The following MTUS1 variants were observed in gnomAD, a reference collection of about 807,000 sequenced individuals.
MTUS1 encodes the protein microtubule-associated tumor suppressor 1.
Under a neutral mutation model 120.8 loss-of-function variants are expected in MTUS1, and 109 were observed. The ratio of observed to expected loss-of-function variants is 0.90; its 90% CI spans 0.77 to 1.06. The LOEUF is 1.06. MTUS1 is among the 50% of genes least tolerant of loss of function. MTUS1 has a pLI of 0.00. For synonymous variants in MTUS1, 737 were observed against 550.5 expected (o/e 1.34, Z -4.74); for missense variants, 2,210 against 1,486.3 (o/e 1.49, Z -8.01).
In MTUS1 at chr8:17,755,228, C is replaced by T; in HGVS notation, c.580G>A (p.Gly194Ser). 1 of 1,614,134 alleles carries T rather than the reference C, an allele frequency of 6.2e-7. No homozygotes were observed. ...FHTAGSLPPT[G>S]RRSGSTSSLS... ...GAAGATGTACTTCCACTTCTCCTAC[C>T]AGTTGGTGGCAGGCTTCCAGCAGTA... The change falls in exon 2 of 15, where the codon GGT (glycine) becomes AGT (serine). Residue 194 changes from glycine (G) to serine (S), a missense_variant. Coordinates refer to ENST00000693296, the MANE Select transcript of MTUS1 (RefSeq NM_001363059.2).
chr8:17,703,794 T>G (rs1819599951), intron 6 of MTUS1, among the ~76,000 whole-genome samples: 1 of 152,146 alleles, frequency 6.6e-6, no homozygotes, highest in Non-Finnish European at 1.5e-5. Context: ...ATCAAGACAA[T>G]ACGTGCACTG....
intron 4 of MTUS1, among the ~76,000 whole-genome samples, chr8:17,718,478 C>A (rs1027458080): frequency 1.3e-5 from 2 of 152,068 alleles, no homozygotes; most frequent in East Asian, 3.9e-4. Context: ...TCGCCCATAT[C>A]GGGTATGGGA....
intron 1 of MTUS1, among the ~76,000 whole-genome samples, chr8:17,797,351 T>G (rs537435323): frequency 6.6e-6 from 1 of 152,242 alleles, no homozygotes; most frequent in South Asian, 2.1e-4. Flanking sequence ...ACGTGAAGGC[T>G]GCAGTAAGCT....
At chr8:17,656,151 G>A in intron 8 of MTUS1, 86 bp from the exon 9 acceptor site, 1 of 1,182,284 alleles carries the variant, frequency 8.5e-7, no homozygotes, top group Non-Finnish European at 1.2e-6. Context: ...CAGCTGTGAT[G>A]ACACCTGAAG....
At chr8:17,799,540 C>A (rs2052514128) in intron 1 of MTUS1, among the ~76,000 whole-genome samples, 1 of 152,048 alleles carries the variant, frequency 6.6e-6, no homozygotes. Flanking sequence ...CTTTTGAAAT[C>A]AAAACAAACA....
chr8:17,669,321 G>T (rs1388295621), intron 8 of MTUS1, among the ~76,000 whole-genome samples: 3 of 152,178 alleles, frequency 2.0e-5, no homozygotes, highest in African/African-American at 7.2e-5. Flanking sequence ...GTGGAAAGAG[G>T]AGAGTGCACT....
At chr8:17,682,436 T>C (rs1383536080) in intron 7 of MTUS1, among the ~76,000 whole-genome samples, 7 of 148,876 alleles carry the variant, frequency 4.7e-5, no homozygotes, top group African/African-American at 1.7e-4. Context: ...GAGAATCACT[T>C]GAACCCGGGA....
At position 17,695,456 on chromosome 8, in the gene MTUS1, C is replaced by G. The variant is rs529685708; in HGVS notation, c.2624-10914G>C. Among the ~76,000 whole-genome samples the G allele has an allele frequency of 2.0e-3, 311 of 152,324 alleles. 2 individuals carry two copies. The highest frequency in any genetic ancestry group is 7.1e-3 in the African/African-American group (294 of 41,590). On this transcript the variant is annotated intron_variant, in intron 6 of 14. Coordinates refer to ENST00000693296, the MANE Select transcript of MTUS1 (RefSeq NM_001363059.2). The stretch of plus-strand genomic sequence containing the variant: ...AGATTAGATCACCTCTATGTGAACT[C>G]TAGCTCAAAAAATTATGACTGCAAA...
intron 6 of MTUS1, chr8:17,691,839 C>G (rs1217883943): frequency 6.6e-6 from 1 of 152,164 alleles, no homozygotes; most frequent in Non-Finnish European, 1.5e-5. Context: ...TAATCCATAA[C>G]ACATCCATAA....
intron 6 of MTUS1, among the ~76,000 whole-genome samples, chr8:17,706,693 C>T (rs1237486634): frequency 6.6e-6 from 1 of 152,098 alleles, no homozygotes; most frequent in Admixed American, 6.5e-5. Context: ...AATAATCTAT[C>T]ACAAGAAATT....
intron 2 of MTUS1, among the ~76,000 whole-genome samples, chr8:17,744,689 C>CTTTTTTTTTTTTTTTTTT (rs58283163): frequency 3.1e-3 from 307 of 99,016 alleles, no homozygotes; most frequent in African/African-American, 4.6e-3. Flanking sequence ...ACCATGTTTT[C>CTTTTTTTTTTTTTTTTTT]TTTTTTTTTT....
At chr8:17,661,386 C>T (rs1262164132) in intron 8 of MTUS1, among the ~76,000 whole-genome samples, 1 of 152,148 alleles carries the variant, frequency 6.6e-6, no homozygotes, top group East Asian at 1.9e-4. Context: ...TCTGGAAGCT[C>T]ATATCTGGGA....
chr8:17,763,976 G>T (rs1263363077), intron 1 of MTUS1, among the ~76,000 whole-genome samples: 2 of 152,122 alleles, frequency 1.3e-5, no homozygotes, highest in Admixed American at 1.3e-4. Context: ...AACAAGCCTG[G>T]ATCCCTGAAT....
chr8:17,648,294 C>A (rs532234115), intron 13 of MTUS1, among the ~76,000 whole-genome samples: 1 of 152,320 alleles, frequency 6.6e-6, no homozygotes, highest in South Asian at 2.1e-4. Flanking sequence ...CATTCTTGCA[C>A]ACATACACAA....
chr8:17,756,286 A>T (rs7386669), intron 1 of MTUS1, among the ~76,000 whole-genome samples: 120,738 of 152,070 alleles, frequency 0.79, 48,170 homozygotes, highest in South Asian at 0.87. Flanking sequence ...TGGCAATAGT[A>T]TTTTCTTCTT....
chr8:17,798,338 AT>A (rs1275134105), intron 1 of MTUS1, among the ~76,000 whole-genome samples: 61 of 147,616 alleles, frequency 4.1e-4, no homozygotes, highest in Middle Eastern at 3.5e-3. Context: ...AATTTGGGGA[AT>A]TTTTTTTTTT....
intron 4 of MTUS1, chr8:17,722,386 C>G: frequency 1.0e-6 from 1 of 983,434 alleles, no homozygotes; most frequent in Non-Finnish European, 1.2e-6. Flanking sequence ...CTTTGCAAGA[C>G]AAAGAGAGCT....
At chr8:17,787,241 G>C (rs74633549) in intron 1 of MTUS1, among the ~76,000 whole-genome samples, 9 of 152,136 alleles carry the variant, frequency 5.9e-5, no homozygotes, top group Admixed American at 5.2e-4. Context: ...TAAAGATAAC[G>C]ACATCAGTGC....
chr8:17,645,728 T>A lies in MTUS1; in HGVS notation c.*198A>T, dbSNP rs1208513330. 6 of 580,628 alleles carry A rather than the reference T, an allele frequency of 1.0e-5. No homozygotes were observed. Among genetic ancestry groups the A allele is most frequent in the Non-Finnish European group, 5.4e-6 (2 of 367,220 alleles). 36.0% of individuals were successfully genotyped at this position (580,628 alleles called of 1,614,324 possible). A position where few individuals can be genotyped will look rare whatever the true frequency, so the allele number is the denominator to read the frequency against. ...TTTTTTAAATCTTTTTTTGGAGGAA[T>A]CTTTTGGACGGAGGCAAAAGTCTTC... On this transcript the variant is annotated 3_prime_UTR_variant, in exon 15 of 15. Coordinates refer to ENST00000693296, the MANE Select transcript of MTUS1 (RefSeq NM_001363059.2).
Sources: gnomAD v4.1 joint callset for allele counts (sites outside exome capture counted in the v4.1 genomes callset) on GRCh38, gnomAD v4.1.1 for gene constraint, MANE v1.5 for transcripts, NCBI Gene and HGNC (gene_info 2026-07-23, HGNC 2026-07-21) for gene names.